SKP2: variants seen among roughly 807,000 people sequenced by gnomAD.
SKP2 encodes the protein S-phase kinase-associated protein 2.
A neutral mutation model predicts 51.8 loss-of-function variants in SKP2; 16 were observed. The ratio of observed to expected loss-of-function variants is 0.31; its 90% CI spans 0.21 to 0.47. SKP2 has a LOEUF of 0.47. Among genes scored for constraint, SKP2 ranks in the 20% least tolerant of loss-of-function variants. The pLI, the probability that SKP2 is intolerant of heterozygous loss-of-function variation, is 1.00. For missense variants in SKP2, 377 were observed against 505.3 expected (o/e 0.75, Z 2.43); for synonymous variants, 176 against 198.6 (o/e 0.89, Z 0.96).
intron 9 of SKP2, 88 bp downstream of exon 9, chr5:36,177,380 C>G: frequency 3.7e-6 from 3 of 817,484 alleles, no homozygotes; most frequent in Non-Finnish European, 6.4e-6. Flanking sequence ...TATTAATAGA[C>G]ATATGAAACC....
intron 6 of SKP2, among the ~76,000 whole-genome samples, chr5:36,189,395 G>T (rs955639036): frequency 3.3e-5 from 5 of 152,200 alleles, no homozygotes; most frequent in Non-Finnish European, 7.3e-5. Flanking sequence ...CGTACAGATG[G>T]GTTTTTGGTG....
Position 36,184,049 on chromosome 5 carries a change from G to C in SKP2, c.*2018G>C, listed in dbSNP as rs376073120. 1.1e-5 allele frequency: 12 copies of C among 1,056,318 alleles called. No individual in the cohort carries two copies. Among genetic ancestry groups the C allele is most frequent in the Non-Finnish European group, 1.7e-5 (12 of 715,568 alleles). 65.4% of individuals were successfully genotyped at this position (1,056,318 alleles called of 1,614,324 possible). ...TAAAAATGAGTGCTTAAACTAAGTT[G>C]TATTCCTTTTTTCTTTCTCTTTTTT... is the stretch of plus-strand genomic sequence containing the variant. On this transcript the variant is annotated 3_prime_UTR_variant, in exon 10 of 10. Transcript: ENST00000274255.
At chr5:36,193,481 A>G (rs1342080941) in intron 7 of SKP2, 1 of 151,414 alleles carries the variant, frequency 6.6e-6, no homozygotes, top group Non-Finnish European at 1.5e-5. Context: ...TCTCAAAAAA[A>G]AAAAAAAAAA....
At chr5:36,165,660 C>T (rs1299068791) in intron 3 of SKP2, among the ~76,000 whole-genome samples, 1 of 152,158 alleles carries the variant, frequency 6.6e-6, no homozygotes, top group Non-Finnish European at 1.5e-5. Context: ...ATCACACTGA[C>T]AATTTTTTTA....
chr5:36,181,219 G>GT (rs1224585056), intron 9 of SKP2, among the ~76,000 whole-genome samples: 1 of 152,124 alleles, frequency 6.6e-6, no homozygotes, highest in Non-Finnish European at 1.5e-5. Flanking sequence ...TTCACCCATT[G>GT]TCTCTACCTG....
chr5:36,166,594 G>A lies in SKP2; in HGVS notation c.468G>A (p.Leu156=). The A allele has an allele frequency of 6.2e-7, 1 of 1,613,886 alleles. No individual in the cohort carries two copies. Residue 156 remains leucine (L), a synonymous_variant, in exon 4 of 10, where the codon CTG becomes CTA. Coordinates refer to ENST00000274255, the MANE Select transcript of SKP2 (RefSeq NM_005983.4). ...NLHPDVTGRL[L]SQGVIAFRCP... The stretch of plus-strand genomic sequence containing the variant: ...ACCCGGATGTGACTGGTCGGTTGCT[G>A]TCTCAAGGGGTGATTGCCTTCCGCT...
intron 7 of SKP2, among the ~76,000 whole-genome samples, chr5:36,174,131 C>A (rs1745558231): frequency 6.6e-6 from 1 of 152,136 alleles, no homozygotes; most frequent in South Asian, 2.1e-4. Context: ...TTCCATGGAG[C>A]AATGGATGAA....
At chr5:36,180,408 A>G (rs17279275) in intron 9 of SKP2, 85,338 of 415,160 alleles carry the variant, frequency 0.21, 10,628 homozygotes, top group Non-Finnish European at 0.27. Flanking sequence ...TTCTTTGGTT[A>G]TATACCTTTA....
intron 9 of SKP2, among the ~76,000 whole-genome samples, chr5:36,178,444 A>G (rs1745701215): frequency 6.6e-6 from 1 of 152,150 alleles, no homozygotes; most frequent in Non-Finnish European, 1.5e-5. Flanking sequence ...TTTTTAAATT[A>G]ATCTTGGGGT....
intron 1 of SKP2, 22 bp downstream of exon 1, chr5:36,152,292 G>T: frequency 6.2e-7 from 1 of 1,611,012 alleles, no homozygotes; most frequent in South Asian, 1.1e-5. Context: ...GCAAAAAGGG[G>T]AAGAGCATGA....
At chr5:36,169,214 G>A (rs968991230) in intron 5 of SKP2, among the ~76,000 whole-genome samples, 9 of 152,160 alleles carry the variant, frequency 5.9e-5, no homozygotes, top group East Asian at 1.9e-4. Flanking sequence ...GGAGGCTAAG[G>A]TGGGCAGATC....
chr5:36,168,274 G>A, intron 4 of SKP2, 39 bp from the exon 5 acceptor site: 3 of 1,598,654 alleles, frequency 1.9e-6, no homozygotes, highest in Non-Finnish European at 2.6e-6. Flanking sequence ...GTACCCGTGA[G>A]AGCCACCTAT....
At chr5:36,190,698 AAAAAAAAAG>A (rs1169159475) in intron 6 of SKP2, among the ~76,000 whole-genome samples, 1 of 151,412 alleles carries the variant, frequency 6.6e-6, no homozygotes, top group Non-Finnish European at 1.5e-5. Flanking sequence ...AAAAAAAAAA[AAAAAAAAAG>A]AATATGATGG....
Position 36,183,964 on chromosome 5 carries a change from A to G in SKP2, c.*1933A>G, listed in dbSNP as rs953532388. 11 of 1,608,878 alleles carry G rather than the reference A, an allele frequency of 6.8e-6. No individual in the cohort carries two copies. The highest frequency in any genetic ancestry group is 4.0e-5 in the African/African-American group (3 of 74,726). On this transcript the variant is annotated 3_prime_UTR_variant, in exon 10 of 10. Transcript: ENST00000274255. ...TTGCCAACATGTCAGAGTAATCTGT[A>G]TTTTTGTATGTGATTTCTACTTTTA...
At position 36,152,152 on chromosome 5, in the gene SKP2, T is replaced by C. The variant is rs1744744080; in HGVS notation, c.-111T>C. ...TGCTAGGCTTAGCGGGTCTGGCTGC[T>C]GGGGGCCCGAGCAGCACGCTCGGAG... is the stretch of plus-strand genomic sequence containing the variant. On this transcript the variant is annotated 5_prime_UTR_variant, in exon 1 of 10. Coordinates refer to ENST00000274255, the MANE Select transcript of SKP2 (RefSeq NM_005983.4). 5 of 1,138,624 alleles carry C rather than the reference T, an allele frequency of 4.4e-6. No individual in the cohort carries two copies. Among genetic ancestry groups the C allele is most frequent in the East Asian group, 4.7e-5 (2 of 42,700 alleles). The allele number at this position is 1,138,624 out of a possible 1,614,324, so 70.5% of individuals were successfully genotyped here.
Position 36,182,227 on chromosome 5 carries a change from T to C in SKP2, c.*196T>C. On this transcript the variant is annotated 3_prime_UTR_variant, in exon 10 of 10. Coordinates refer to ENST00000274255, the MANE Select transcript of SKP2 (RefSeq NM_005983.4). ...TGATTCTAAAAGCTTCTATCACTGC[T>C]TTGCTCTTAAGAGCCAAAGTTGTAG... 7.2e-7 allele frequency: 1 copy of C among 1,379,982 alleles called. No individual in the cohort carries two copies. The highest frequency in any genetic ancestry group is 9.4e-7 in the Non-Finnish European group (1 of 1,068,910). 85.5% of individuals were successfully genotyped at this position (1,379,982 alleles called of 1,614,324 possible). A position where few individuals can be genotyped will look rare whatever the true frequency, so the allele number is the denominator to read the frequency against.
intron 2 of SKP2, among the ~76,000 whole-genome samples, chr5:36,158,464 A>G (rs1387400359): frequency 6.6e-6 from 1 of 152,142 alleles, no homozygotes; most frequent in Non-Finnish European, 1.5e-5. Flanking sequence ...CCCTAGGATT[A>G]GTGTCATTCT....
At chr5:36,170,481 CA>C (rs759795004) in intron 6 of SKP2, 39 bp downstream of exon 6, 13 of 1,216,812 alleles carry the variant, frequency 1.1e-5, no homozygotes, top group Non-Finnish European at 1.6e-5. Flanking sequence ...ACTCTTATGT[CA>C]AACGTAAAAT....
Position 36,182,912 on chromosome 5 carries a change from T to C in SKP2, c.*881T>C, listed in dbSNP as rs1248216910. The C allele has an allele frequency of 3.1e-6, 3 of 983,194 alleles. No homozygotes were observed. Among genetic ancestry groups the C allele is most frequent in the African/African-American group, 1.7e-5 (1 of 57,200 alleles). 60.9% of individuals were successfully genotyped at this position (983,194 alleles called of 1,614,324 possible). On this transcript the variant is annotated 3_prime_UTR_variant, in exon 10 of 10. Transcript: ENST00000274255. ...CTTGAAAATTTGGATGGGAGAATTC[T>C]GAAGTTGCCTGCTGTTTTCCTTTAG... is the stretch of plus-strand genomic sequence containing the variant.
Sources: gnomAD v4.1 joint callset for allele counts (sites outside exome capture counted in the v4.1 genomes callset) on GRCh38, gnomAD v4.1.1 for gene constraint, MANE v1.5 for transcripts, NCBI Gene and HGNC (gene_info 2026-07-23, HGNC 2026-07-21) for gene names.